The following HYDIN variants were observed in gnomAD, a reference collection of about 807,000 sequenced individuals.
HYDIN encodes the protein axonemal central pair apparatus protein HYDIN.
Under a neutral mutation model 403.9 loss-of-function variants are expected in HYDIN, and 132 were observed. The ratio of observed to expected loss-of-function variants is 0.33; its 90% CI spans 0.28 to 0.38. The LOEUF is 0.38. Among genes scored for constraint, HYDIN ranks in the 10% least tolerant of loss-of-function variants. The pLI is 1.00. For synonymous variants in HYDIN, 1,202 were observed against 1,891.7 expected (o/e 0.64, Z 9.46); for missense variants, 2,827 against 5,009.5 (o/e 0.56, Z 13.15).
intron 73 of HYDIN, among the ~76,000 whole-genome samples, chr16:70,851,380 C>T (rs182103353): frequency 6.6e-6 from 1 of 151,722 alleles, no homozygotes; most frequent in East Asian, 1.9e-4. Context: ...ATTGAACAAG[C>T]AAAAAACAAG....
At position 70,860,204 on chromosome 16, in the gene HYDIN, G is replaced by A; in HGVS notation, c.11993C>T (p.Thr3998Ile). The A allele has an allele frequency of 5.6e-6, 9 of 1,613,230 alleles. No individual in the cohort carries two copies. The highest frequency in any genetic ancestry group is 6.8e-6 in the Non-Finnish European group (8 of 1,179,722). Residue 3998 changes from threonine (T) to isoleucine (I), a missense_variant and splice_region_variant, in exon 71 of 86, where the codon ACC becomes ATC. Physicochemically the swap from Thr to Ile is moderately conservative, Grantham distance 89 (BLOSUM62 -1). Transcript: ENST00000393567. The stretch of plus-strand genomic sequence containing the variant: ...ATTGGTTGGGTTTAGGATGGTAAAG[G>A]TCCTGGCCAGGGTGGAGAGAATTGA... ...TVGIGGKNLR[T>I]FTILNPTNST...
At position 70,805,022 on chromosome 16, in the gene HYDIN, A is replaced by C. The variant is rs2035049119; in HGVS notation, c.*2558T>G. 6.6e-6 allele frequency among the ~76,000 whole-genome samples: 1 copy of C among 152,240 alleles called. No homozygotes were observed. The highest frequency in any genetic ancestry group is 2.1e-4 in the South Asian group (1 of 4,836). On this transcript the variant is annotated 3_prime_UTR_variant, in exon 86 of 86. Transcript: ENST00000393567. The stretch of plus-strand genomic sequence containing the variant: ...AGTCTTAGGGATCACTTGGTGTACC[A>C]CATTGACCATTATTGAAAAAGTACA...
At chr16:70,924,864 A>G (rs1159683456) in intron 45 of HYDIN, among the ~76,000 whole-genome samples, 1 of 116,272 alleles carries the variant, frequency 8.6e-6, no homozygotes, top group Non-Finnish European at 1.8e-5. Context: ...TGGGCCTAAC[A>G]TCTAGGTGAT....
At position 70,920,707 on chromosome 16, in the gene HYDIN, C is replaced by T. The variant is rs267604619; in HGVS notation, c.7669G>A (p.Glu2557Lys). The T allele has an allele frequency of 4.2e-5, 68 of 1,601,834 alleles. No individual in the cohort carries two copies. Among genetic ancestry groups the T allele is most frequent in the East Asian group, 6.7e-5 (3 of 44,540 alleles). The change falls in exon 46 of 86, where the codon GAA becomes AAA. Residue 2557 changes from glutamate (E) to lysine (K), a missense_variant. Coordinates refer to ENST00000393567, the MANE Select transcript of HYDIN (RefSeq NM_001270974.2). ...CCCAGGTCCTTCTCCTTCTTCCCTT[C>T]GTGGTCCTCCTCCCCTTCCCCCTCC... ...DWEGEGEEDH[E>K]GKKEKDLGVP...
At chr16:70,842,694 A>T (rs1208060471) in intron 75 of HYDIN, among the ~76,000 whole-genome samples, 1 of 151,888 alleles carries the variant, frequency 6.6e-6, no homozygotes, top group Non-Finnish European at 1.5e-5. Context: ...TTATCTTTCT[A>T]TTGAAGGGTT....
chr16:71,216,864 C>T (rs764224414), intron 1 of HYDIN, among the ~76,000 whole-genome samples: 1 of 152,168 alleles, frequency 6.6e-6, no homozygotes, highest in Admixed American at 6.5e-5. Flanking sequence ...TTAGCCAAGT[C>T]CAGACTCCAT....
At chr16:71,063,778 T>G (rs2082165886) in intron 16 of HYDIN, among the ~76,000 whole-genome samples, 1 of 152,160 alleles carries the variant, frequency 6.6e-6, no homozygotes, top group Non-Finnish European at 1.5e-5. Flanking sequence ...AACACACATA[T>G]GATTGGATTT....
intron 5 of HYDIN, among the ~76,000 whole-genome samples, chr16:71,168,961 A>C (rs1179394628): frequency 6.6e-6 from 1 of 152,248 alleles, no homozygotes; most frequent in African/African-American, 2.4e-5. Flanking sequence ...TCATCAAAAA[A>C]TTAAAAATAG....
At chr16:71,215,561 TA>T (rs1281237290) in intron 1 of HYDIN, among the ~76,000 whole-genome samples, 2 of 123,952 alleles carry the variant, frequency 1.6e-5, no homozygotes, top group Non-Finnish European at 3.2e-5. Context: ...TAATCAATCT[TA>T]ATGCCATTAA....
chr16:71,018,880 G>C (rs1316143240), intron 22 of HYDIN, among the ~76,000 whole-genome samples: 1 of 121,760 alleles, frequency 8.2e-6, no homozygotes, highest in African/African-American at 3.0e-5. Flanking sequence ...AAAATTCTTT[G>C]CTTAAGAAAT....
chr16:70,833,083 G>A lies in HYDIN; in HGVS notation c.13680-16C>T, dbSNP rs770884207. ...CCATTTAAACCTTTTCCAAGAAAAA[G>A]AAGAAAAGAAAGAGAGTTTATGGAT... On this transcript the variant is annotated splice_polypyrimidine_tract_variant and intron_variant, in intron 79 of 85. Coordinates refer to ENST00000393567, the MANE Select transcript of HYDIN (RefSeq NM_001270974.2). The A allele has an allele frequency of 1.2e-6, 2 of 1,600,600 alleles. No individual in the cohort carries two copies. The highest frequency in any genetic ancestry group is 1.7e-6 in the Non-Finnish European group (2 of 1,173,766).
At position 70,850,462 on chromosome 16, in the gene HYDIN, T is replaced by C. The variant is rs1162621462; in HGVS notation, c.12637A>G (p.Ile4213Val). 3 of 1,536,142 alleles carry C rather than the reference T, an allele frequency of 2.0e-6. No individual in the cohort carries two copies. The highest frequency in any genetic ancestry group is 2.7e-6 in the Non-Finnish European group (3 of 1,121,342). ...TACACCTTTACCTCATAGAAGTTGA[T>C]GATGTTAGTCTGGTTGGGAGTCAAC... ...TLLTPNQTNI[I>V]NFYEVELNEC... is the part of the protein sequence containing the mutation. The change falls in exon 74 of 86, where the codon ATC becomes GTC. Residue 4213 changes from isoleucine to valine, a missense_variant. By Grantham distance (29) the Ile-to-Val change is conservative (BLOSUM62 3). Transcript: ENST00000393567.
chr16:70,839,723 C>T (rs979781136), intron 76 of HYDIN, among the ~76,000 whole-genome samples: 5 of 151,670 alleles, frequency 3.3e-5, no homozygotes, highest in Non-Finnish European at 5.9e-5. Flanking sequence ...CTATTTACTG[C>T]AAAGCCACTG....
Position 71,157,006 on chromosome 16 carries a change from G to T in HYDIN, c.717-4223C>A, listed in dbSNP as rs1245556866. On this transcript the variant is annotated intron_variant, in intron 6 of 85. Coordinates refer to ENST00000393567, the MANE Select transcript of HYDIN (RefSeq NM_001270974.2). ...AGAATGTGTTTTATTTTATTTTATT[G>T]TAGAGGTTTATAGTTGTAGTTTTGC... Among the ~76,000 whole-genome samples, 7 of 142,080 alleles carry T rather than the reference G, an allele frequency of 4.9e-5. No homozygotes were observed. In the East Asian group the frequency reaches 1.0e-3, roughly 21 times the overall value. The allele number at this position is 142,080 out of a possible 152,430, so 93.2% of individuals were successfully genotyped here. A position where few individuals can be genotyped will look rare whatever the true frequency, so the allele number is the denominator to read the frequency against.
chr16:70,938,794 C>T, intron 43 of HYDIN, 39 bp from the exon 44 acceptor site: 1 of 1,610,978 alleles, frequency 6.2e-7, no homozygotes, highest in African/African-American at 1.3e-5. Context: ...AGGAAAAGTC[C>T]TTCTCAGTCT....
chr16:70,874,863 G>C lies in HYDIN; in HGVS notation c.10614C>G (p.Thr3538=). The part of the protein sequence containing the change: ...LGVFSLKGRP[T]TAYIYITEEN... ...CCTCTGTGATGTAGATATACGCGGT[G>C]GTGGGCCTCCCTTTCAGGGAGAAGA... Residue 3538 remains threonine, a synonymous_variant, in exon 63 of 86, where the codon ACC becomes ACG. Coordinates refer to ENST00000393567, the MANE Select transcript of HYDIN (RefSeq NM_001270974.2). 1 of 1,613,100 alleles carries C rather than the reference G, an allele frequency of 6.2e-7. No individual in the cohort carries two copies. The highest frequency in any genetic ancestry group is 8.5e-7 in the Non-Finnish European group (1 of 1,179,728).
chr16:70,989,993 G>A (rs1003108091), intron 25 of HYDIN, among the ~76,000 whole-genome samples: 18 of 152,190 alleles, frequency 1.2e-4, no homozygotes, highest in African/African-American at 1.9e-4. Context: ...CAAGATGGTC[G>A]AGTCTTCCAG....
At chr16:71,060,796 C>T (rs1597675279) in intron 17 of HYDIN, 140 bp from the exon 18 acceptor site, 6 of 681,294 alleles carry the variant, frequency 8.8e-6, no homozygotes, top group East Asian at 5.5e-5. Flanking sequence ...GCTGTGGTCT[C>T]GGGAACACAG....
chr16:71,070,259 CTTTCTT>C (rs1243584571), intron 13 of HYDIN, among the ~76,000 whole-genome samples: 88 of 151,222 alleles, frequency 5.8e-4, no homozygotes, highest in African/African-American at 2.1e-3. Context: ...TTCTTTCTTT[CTTTCTT>C]TCTCTCTCCT....
Sources: gnomAD v4.1 joint callset for allele counts (sites outside exome capture counted in the v4.1 genomes callset) on GRCh38, gnomAD v4.1.1 for gene constraint, MANE v1.5 for transcripts, NCBI Gene and HGNC (gene_info 2026-07-23, HGNC 2026-07-21) for gene names.